CNIH3: variants seen among roughly 807,000 people sequenced by gnomAD.
CNIH3 encodes protein cornichon homolog 3.
Under a neutral mutation model 24.1 loss-of-function variants are expected in CNIH3, and 14 were observed. The observed-to-expected ratio is 0.58, with a 90% CI of 0.38 to 0.91. CNIH3 has a LOEUF of 0.91. Among genes scored for constraint, CNIH3 ranks in the 40% least tolerant of loss-of-function variants. The probability of loss-of-function intolerance (pLI) is 0.00; values close to 1 mark genes in which losing one functional copy is unlikely to be tolerated. For synonymous variants in CNIH3, 68 were observed against 73.8 expected (o/e 0.92, Z 0.40); for missense variants, 178 against 196.8 (o/e 0.90, Z 0.57).
At chr1:224,459,440 G>T (rs190780591) in intron 1 of CNIH3, among the ~76,000 whole-genome samples, 17 of 152,202 alleles carry the variant, frequency 1.1e-4, no homozygotes, top group Admixed American at 1.0e-3. Flanking sequence ...GTATTTTCCT[G>T]TTCTCATCTA....
intron 3 of CNIH3, among the ~76,000 whole-genome samples, chr1:224,712,112 T>A (rs1688187442): frequency 6.6e-6 from 1 of 152,180 alleles, no homozygotes; most frequent in Non-Finnish European, 1.5e-5. Context: ...CCCTGGATGA[T>A]AAAGGCTTGT....
At chr1:224,481,675 C>A (rs1203020413) in intron 1 of CNIH3, among the ~76,000 whole-genome samples, 5 of 152,216 alleles carry the variant, frequency 3.3e-5, no homozygotes, top group Admixed American at 3.3e-4. Flanking sequence ...GTGGCCACCA[C>A]CACTGGGATT....
At chr1:224,466,152 T>G (rs1313354134) in intron 1 of CNIH3, among the ~76,000 whole-genome samples, 1 of 152,192 alleles carries the variant, frequency 6.6e-6, no homozygotes, top group Non-Finnish European at 1.5e-5. Context: ...TCTATGCAGT[T>G]TTATCATACA....
chr1:224,452,959 A>T (rs945940297), intron 1 of CNIH3, among the ~76,000 whole-genome samples: 1 of 150,924 alleles, frequency 6.6e-6, no homozygotes, highest in Non-Finnish European at 1.5e-5. Context: ...CGTCTCTACT[A>T]AAAATACAAA....
chr1:224,731,078 A>C (rs1689301610), intron 4 of CNIH3, among the ~76,000 whole-genome samples: 1 of 152,188 alleles, frequency 6.6e-6, no homozygotes, highest in Non-Finnish European at 1.5e-5. Context: ...AAGTAAATTC[A>C]TGGCTGCCAG....
At chr1:224,718,754 C>T (rs1274411871) in intron 3 of CNIH3, among the ~76,000 whole-genome samples, 1 of 152,028 alleles carries the variant, frequency 6.6e-6, no homozygotes, top group Non-Finnish European at 1.5e-5. Flanking sequence ...GATGTGGGAG[C>T]AGAGGGTTTT....
intron 1 of CNIH3, among the ~76,000 whole-genome samples, chr1:224,653,364 G>A (rs186664525): frequency 7.3e-4 from 111 of 151,200 alleles, no homozygotes; most frequent in Middle Eastern, 3.4e-3. Flanking sequence ...AGAGGTTGCA[G>A]TGAGCCAAGA....
chr1:224,502,897 G>A (rs908275623), intron 1 of CNIH3, among the ~76,000 whole-genome samples: 3 of 152,170 alleles, frequency 2.0e-5, no homozygotes, highest in Non-Finnish European at 4.4e-5. Flanking sequence ...GTGAGATGTT[G>A]AAAGCCTGTG....
chr1:224,510,282 G>C (rs927982684), intron 1 of CNIH3, among the ~76,000 whole-genome samples: 2 of 152,162 alleles, frequency 1.3e-5, no homozygotes, highest in African/African-American at 4.8e-5. Context: ...ATGCAAAGGA[G>C]CTTAAACTTC....
chr1:224,581,615 G>A (rs933207908), intron 4 of CNIH3, among the ~76,000 whole-genome samples: 6 of 152,118 alleles, frequency 3.9e-5, no homozygotes, highest in African/African-American at 1.4e-4. Flanking sequence ...GAAGTAAATT[G>A]TGCTTCTTTT....
At position 224,673,487 on chromosome 1, in the gene CNIH3, C is replaced by T. The variant is rs978888153; in HGVS notation, c.82-7471C>T. 5.9e-5 allele frequency among the ~76,000 whole-genome samples: 9 copies of T among 152,278 alleles called. 1 individual carries two copies. The South Asian group carries it at 1.0e-3, about 18-fold the overall frequency. Reference sequence around the variant, plus strand: ...CTTCTGGCATCTGCAGCATAATTTCCGTTTCTGGAAATTTCTTCCCAGACC... The same window carrying T: ...CTTCTGGCATCTGCAGCATAATTTCTGTTTCTGGAAATTTCTTCCCAGACC... On this transcript the variant is annotated intron_variant, in intron 1 of 5. Transcript: ENST00000272133.
chr1:224,645,051 G>C (rs749807166), intron 1 of CNIH3, among the ~76,000 whole-genome samples: 24 of 152,344 alleles, frequency 1.6e-4, no homozygotes, highest in African/African-American at 5.5e-4. Flanking sequence ...TGGGAGTGGC[G>C]AACAGTGTGA....
chr1:224,609,087 G>T (rs1455707027), intron 3 of CNIH3, among the ~76,000 whole-genome samples: 1 of 152,172 alleles, frequency 6.6e-6, no homozygotes, highest in Non-Finnish European at 1.5e-5. Flanking sequence ...ACCATGACCT[G>T]ATGGTTGCCT....
rs75322767 is a variant in CNIH3, at chr1:224,678,461, T to C, written c.82-2497T>C. Among the ~76,000 whole-genome samples, 421 of 152,348 alleles carry C rather than the reference T, an allele frequency of 2.8e-3. 6 individuals carry two copies. In the East Asian group the frequency reaches 0.029, roughly 10 times the overall value. On this transcript the variant is annotated intron_variant, in intron 1 of 5. Transcript: ENST00000272133. ...CAAGTGTTTAGTACCGACAGTACTT[T>C]ACACACTTTAGAATGGACATTTACA...
intron 3 of CNIH3, among the ~76,000 whole-genome samples, chr1:224,610,728 T>A (rs984291518): frequency 6.6e-6 from 1 of 152,208 alleles, no homozygotes; most frequent in Admixed American, 6.5e-5. Flanking sequence ...AAAACTAATT[T>A]ATGTATAACA....
intron 1 of CNIH3, among the ~76,000 whole-genome samples, chr1:224,618,841 G>A (rs1233377382): frequency 6.6e-6 from 1 of 152,128 alleles, no homozygotes; most frequent in Non-Finnish European, 1.5e-5. Flanking sequence ...TGCAAGGCTG[G>A]GTCTAATCTA....
intron 1 of CNIH3, among the ~76,000 whole-genome samples, chr1:224,635,902 G>C (rs1193228325): frequency 6.6e-6 from 1 of 152,052 alleles, no homozygotes; most frequent in Non-Finnish European, 1.5e-5. Flanking sequence ...CTAGAAATGG[G>C]GGGGTCTCAC....
intron 1 of CNIH3, chr1:224,664,760 G>A (rs1010619873): frequency 6.6e-6 from 1 of 152,112 alleles, no homozygotes; most frequent in Non-Finnish European, 1.5e-5. Flanking sequence ...TTAGGGACAA[G>A]GTCTCACTCT....
At chr1:224,490,802 C>T (rs1057145451) in intron 1 of CNIH3, among the ~76,000 whole-genome samples, 5 of 152,184 alleles carry the variant, frequency 3.3e-5, no homozygotes, top group African/African-American at 7.2e-5. Flanking sequence ...ATTTGCGAAT[C>T]GGGCAGCTCC....
Sources: allele counts gnomAD v4.1 joint callset (sites outside exome capture counted in the v4.1 genomes callset), GRCh38; gene constraint gnomAD v4.1.1; transcripts MANE v1.5; gene names NCBI Gene and HGNC (gene_info 2026-07-23, HGNC 2026-07-21).